PLXNA4: variants seen among roughly 807,000 people sequenced by gnomAD.
PLXNA4 encodes the protein plexin-A4.
PLXNA4 carries 44 observed loss-of-function variants against 191.8 expected under a neutral mutation model. That is an observed-to-expected ratio of 0.23 (90% confidence interval 0.18 to 0.29). The LOEUF (loss-of-function observed/expected upper bound fraction) is 0.29, where lower values mean the gene tolerates loss of function less well. Ranked by LOEUF, PLXNA4 falls within the 10% of genes least tolerant of loss-of-function variation. The pLI is 1.00. For synonymous variants in PLXNA4, 1,082 were observed against 1,009.5 expected (o/e 1.07, Z -1.36); for missense variants, 1,800 against 2,488.8 (o/e 0.72, Z 5.89).
At chr7:132,377,613 C>G (rs768708325) in intron 3 of PLXNA4, among the ~76,000 whole-genome samples, 2 of 152,084 alleles carry the variant, frequency 1.3e-5, no homozygotes, top group African/African-American at 4.8e-5. Flanking sequence ...TACAACATCC[C>G]TCATGGGTCC....
intron 4 of PLXNA4, among the ~76,000 whole-genome samples, chr7:132,291,733 A>G (rs1756602767): frequency 6.6e-6 from 1 of 152,156 alleles, no homozygotes; most frequent in Non-Finnish European, 1.5e-5. Context: ...ATCCTACCAC[A>G]TGCCAAGAGC....
At chr7:132,557,474 G>A (rs1396046820) in intron 1 of PLXNA4, among the ~76,000 whole-genome samples, 4 of 151,758 alleles carry the variant, frequency 2.6e-5, no homozygotes, top group Non-Finnish European at 5.9e-5. Context: ...GTAAAGATAG[G>A]CAATCAATTA....
intron 2 of PLXNA4, among the ~76,000 whole-genome samples, chr7:132,493,310 C>T (rs923837265): frequency 6.6e-6 from 1 of 152,204 alleles, no homozygotes; most frequent in Non-Finnish European, 1.5e-5. Flanking sequence ...GGGCTGGCCT[C>T]CTGTCACTCC....
At chr7:132,573,095 G>C (rs193096859) in intron 1 of PLXNA4, among the ~76,000 whole-genome samples, 1 of 151,056 alleles carries the variant, frequency 6.6e-6, no homozygotes, top group Non-Finnish European at 1.5e-5. Flanking sequence ...GCAGAGAAGT[G>C]GGGGTTGGAG....
At chr7:132,189,746 G>T (rs948130262) in intron 14 of PLXNA4, among the ~76,000 whole-genome samples, 1 of 152,082 alleles carries the variant, frequency 6.6e-6, no homozygotes, top group African/African-American at 2.4e-5. Flanking sequence ...GTGATAGATG[G>T]GGGTTCTGTC....
chr7:132,203,488 G>A, intron 10 of PLXNA4, 69 bp from the exon 11 acceptor site: 1 of 1,382,208 alleles, frequency 7.2e-7, no homozygotes, highest in Non-Finnish European at 1.0e-6. Context: ...GGGCCCAAAT[G>A]ATCAGCCTAC....
Position 132,124,268 on chromosome 7 carries a change from A to T in PLXNA4, c.*6211T>A, listed in dbSNP as rs990000763. ...TCATTTTAAGAACAGAAGGTTTAAC[A>T]AGTCAACAAGCTAACTAGAACGTCG... On this transcript the variant is annotated 3_prime_UTR_variant, in exon 32 of 32. Transcript: ENST00000321063. The T allele has an allele frequency of 3.9e-5, 6 of 152,216 alleles. No individual in the cohort carries two copies. Among genetic ancestry groups the T allele is most frequent in the Non-Finnish European group, 5.9e-5 (4 of 68,032 alleles). The allele number at this position is 152,216 out of a possible 1,614,324, so 9.4% of individuals were successfully genotyped here. A position where few individuals can be genotyped will look rare whatever the true frequency, so the allele number is the denominator to read the frequency against.
rs138442302 is a variant in PLXNA4, at chr7:132,429,018, G to A, written c.1371+60274C>T. 1.1e-4 allele frequency among the ~76,000 whole-genome samples: 17 copies of A among 152,144 alleles called. No homozygotes were observed. The East Asian group carries it at 3.3e-3, about 29-fold the overall frequency. ...CTATGTCTGCCTGCTGGTCAGCTGG[G>A]GGCTGCCTCCAGCTCAGGGCCTCAA... On this transcript the variant is annotated intron_variant, in intron 3 of 31. Transcript: ENST00000321063.
intron 2 of PLXNA4, among the ~76,000 whole-genome samples, chr7:132,599,558 G>A (rs965203146): frequency 1.3e-5 from 2 of 152,038 alleles, no homozygotes; most frequent in Non-Finnish European, 2.9e-5. Context: ...GTTTTAGGTA[G>A]ATCTGATACC....
intron 5 of PLXNA4, among the ~76,000 whole-genome samples, chr7:132,236,872 C>G (rs1008725436): frequency 2.6e-5 from 4 of 152,194 alleles, no homozygotes; most frequent in Non-Finnish European, 5.9e-5. Context: ...CTTCTCCTTT[C>G]TCTCCTGCTG....
rs1195282174 is a variant in PLXNA4, at chr7:132,561,570, T to TC, written c.-87+14851_-87+14852insG. 5.9e-3 allele frequency among the ~76,000 whole-genome samples: 384 copies of TC among 64,998 alleles called. 14 individuals carry two copies. The highest frequency in any genetic ancestry group is 0.025 in the African/African-American group (356 of 14,436). The allele number at this position is 64,998 out of a possible 152,430, so 42.6% of individuals were successfully genotyped here. On this transcript the variant is annotated intron_variant, in intron 1 of 31. Transcript: ENST00000321063. ...TTCTCCTCCTCCTTCTCCTCCTCCT[T>TC]TCCCCTCCTCCTCTTCCTCCTTCTC...
chr7:132,203,658 A>T (rs898918156), intron 10 of PLXNA4, among the ~76,000 whole-genome samples: 2 of 152,218 alleles, frequency 1.3e-5, no homozygotes, highest in African/African-American at 4.8e-5. Flanking sequence ...CAGGCCTCCA[A>T]GCATGCCCCT....
intron 1 of PLXNA4, among the ~76,000 whole-genome samples, chr7:132,573,780 A>G: frequency 6.6e-6 from 1 of 152,210 alleles, no homozygotes; most frequent in East Asian, 1.9e-4. Flanking sequence ...TTGGGTAAGA[A>G]GGAGCAGCTT....
intron 29 of PLXNA4, among the ~76,000 whole-genome samples, chr7:132,143,090 G>C (rs368337234): frequency 3.1e-4 from 47 of 152,170 alleles, no homozygotes; most frequent in African/African-American, 1.1e-3. Flanking sequence ...AGAAGAGGTA[G>C]GGAACTGTGG....
chr7:132,176,883 C>T (rs936554155), intron 20 of PLXNA4, among the ~76,000 whole-genome samples: 2 of 150,714 alleles, frequency 1.3e-5, no homozygotes, highest in African/African-American at 4.9e-5. Context: ...TGAGTGCATG[C>T]GTCTATGTGT....
chr7:132,366,310 G>A (rs1804182935), intron 3 of PLXNA4, among the ~76,000 whole-genome samples: 1 of 152,256 alleles, frequency 6.6e-6, no homozygotes. Context: ...CGGATCACAA[G>A]GTCAGGAGTT....
At chr7:132,441,037 A>G (rs189707846) in intron 3 of PLXNA4, among the ~76,000 whole-genome samples, 2 of 152,354 alleles carry the variant, frequency 1.3e-5, no homozygotes, top group East Asian at 3.9e-4. Context: ...TTACATATGA[A>G]AAAACCAAGG....
chr7:132,530,436 G>A (rs1452404392), intron 1 of PLXNA4, among the ~76,000 whole-genome samples: 1 of 152,150 alleles, frequency 6.6e-6, no homozygotes, highest in Non-Finnish European at 1.5e-5. Flanking sequence ...GTTTGAAAAT[G>A]AGCAAATGAC....
chr7:132,586,888 C>G (rs1420225874), intron 2 of PLXNA4, among the ~76,000 whole-genome samples: 1 of 152,190 alleles, frequency 6.6e-6, no homozygotes, highest in South Asian at 2.1e-4. Context: ...CATGATTGCA[C>G]CACAGCACTC....
Sources: allele counts gnomAD v4.1 joint callset (sites outside exome capture counted in the v4.1 genomes callset), GRCh38; gene constraint gnomAD v4.1.1; transcripts MANE v1.5; gene names NCBI Gene and HGNC (gene_info 2026-07-23, HGNC 2026-07-21).